The following ZNF622 variants were observed in gnomAD, a reference collection of about 807,000 sequenced individuals.
The protein encoded by ZNF622 is zinc finger protein 622.
Under a neutral mutation model 49.7 loss-of-function variants are expected in ZNF622, and 34 were observed. The observed-to-expected ratio is 0.68, with a 90% confidence interval of 0.52 to 0.91. The LOEUF is 0.91. ZNF622 is among the 40% of genes least tolerant of loss of function. ZNF622 has a pLI of 0.00. For synonymous variants in ZNF622, 209 were observed against 228.7 expected, an observed-to-expected ratio of 0.91 and a Z score of 0.78; for missense variants, 569 against 616.4, an observed-to-expected ratio of 0.92 and a Z score of 0.81.
intron 3 of ZNF622, among the ~76,000 whole-genome samples, chr5:16,462,228 G>A (rs1380620377): frequency 1.3e-5 from 2 of 152,180 alleles, no homozygotes; most frequent in African/African-American, 4.8e-5. Flanking sequence ...TCTGAACATG[G>A]TATCACTTGG....
In ZNF622 at chr5:16,463,412, A is replaced by T. The variant is rs1738154305; in HGVS notation, c.886+70T>A. 6.6e-7 allele frequency: 1 copy of T among 1,519,250 alleles called. No individual in the cohort carries two copies. The highest frequency in any genetic ancestry group is 8.9e-7 in the Non-Finnish European group (1 of 1,126,396). 94.1% of individuals were successfully genotyped at this position (1,519,250 alleles called of 1,614,324 possible). A position where few individuals can be genotyped will look rare whatever the true frequency, so the allele number is the denominator to read the frequency against. On this transcript the variant is annotated intron_variant, in intron 2 of 5. Transcript: ENST00000308683. The surrounding 1 kb of genome is among the most constrained non-coding windows in gnomAD (Gnocchi z 4.2). ...AAGATTGATGAAAAATGCAAAACTAATGTTCCCTTGAGACCAGTCCCCCAA... is the reference window on the plus strand; with the variant it reads ...AAGATTGATGAAAAATGCAAAACTATTGTTCCCTTGAGACCAGTCCCCCAA...
At chr5:16,460,751 G>A (rs758508628) in intron 3 of ZNF622, among the ~76,000 whole-genome samples, 1 of 151,798 alleles carries the variant, frequency 6.6e-6, no homozygotes, top group Non-Finnish European at 1.5e-5. Flanking sequence ...TTCATTTTTA[G>A]GAAGAAAAGT....
chr5:16,461,124 G>A (rs780747271), intron 3 of ZNF622, among the ~76,000 whole-genome samples: 6 of 152,238 alleles, frequency 3.9e-5, no homozygotes, highest in Non-Finnish European at 7.3e-5. Flanking sequence ...TGAGGGACAA[G>A]TCAAGTGAAT....
rs541030289 is a variant in ZNF622 at position 16,456,813 on chromosome 5, G to A, written c.1162+1704C>T. Among the ~76,000 whole-genome samples the A allele has an allele frequency of 2.6e-5, 4 of 152,180 alleles. No individual in the cohort carries two copies. The South Asian group carries it at 8.3e-4, about 32-fold the overall frequency. On this transcript the variant is annotated intron_variant, in intron 4 of 5. Transcript: ENST00000308683. ...TTAGAAAGAATGTTTTGGTGGTCATGTGGAAACCAGATTAGAGATGACCAG... is the reference window on the plus strand; with the variant it reads ...TTAGAAAGAATGTTTTGGTGGTCATATGGAAACCAGATTAGAGATGACCAG...
Position 16,463,790 on chromosome 5 carries a change from A to G in ZNF622, c.626-48T>C, listed in dbSNP as rs1324685340. On this transcript the variant is annotated intron_variant, in intron 1 of 5. Coordinates refer to ENST00000308683, the MANE Select transcript of ZNF622 (RefSeq NM_033414.3). This position sits in a 1 kb window ranked among gnomAD's most constrained non-coding sequence, Gnocchi z 4.2. ...ATAAAGTTTAAGAAAAGTAGTAGCA[A>G]GCAAAGATATCACAAAAATTCACGA... 6.3e-7 allele frequency: 1 copy of G among 1,585,852 alleles called. No homozygotes were observed. Among genetic ancestry groups the G allele is most frequent in the Non-Finnish European group, 8.6e-7 (1 of 1,164,712 alleles).
chr5:16,452,244 A>G (rs2126488506), intron 5 of ZNF622, among the ~76,000 whole-genome samples: 1 of 152,306 alleles, frequency 6.6e-6, no homozygotes, highest in South Asian at 2.1e-4. Context: ...AGAGCTTCCC[A>G]GGCCATCAGA....
Position 16,465,762 on chromosome 5 carries a change from G to C in ZNF622, c.-97C>G. ...AGACCTTAACCCGCCTCAGCAGCCA[G>C]GAAGAGCCACTCGACACGCCGACTT... On this transcript the variant is annotated 5_prime_UTR_variant, in exon 1 of 6. Transcript: ENST00000308683. The surrounding 1 kb of genome is among the most constrained non-coding windows in gnomAD (Gnocchi z 6.2). 1.4e-6 allele frequency: 2 copies of C among 1,472,904 alleles called. No homozygotes were observed. 91.2% of individuals were successfully genotyped at this position (1,472,904 alleles called of 1,614,324 possible). A position where few individuals can be genotyped will look rare whatever the true frequency, so the allele number is the denominator to read the frequency against.
chr5:16,464,915 C>T, intron 1 of ZNF622, 126 bp downstream of exon 1: 1 of 981,294 alleles, frequency 1.0e-6, no homozygotes, highest in Non-Finnish European at 1.5e-6. Flanking sequence ...GTCTAAACCA[C>T]CTTCCCTCAT....
intron 4 of ZNF622, among the ~76,000 whole-genome samples, chr5:16,456,239 C>A (rs150616757): frequency 5.3e-5 from 8 of 152,212 alleles, no homozygotes; most frequent in African/African-American, 1.9e-4. Context: ...AGACTATAGG[C>A]ACACACCATC....
intron 3 of ZNF622, among the ~76,000 whole-genome samples, chr5:16,459,317 C>T (rs147923938): frequency 1.9e-3 from 289 of 152,184 alleles, no homozygotes; most frequent in African/African-American, 6.6e-3. Flanking sequence ...GATCAGATAC[C>T]TCACAAAAAG....
rs185826775 is a variant in ZNF622, at chr5:16,459,799, T to C, written c.1050-1170A>G. Among the ~76,000 whole-genome samples, 349 of 152,322 alleles carry C rather than the reference T, an allele frequency of 2.3e-3. 1 individual carries two copies. The highest frequency in any genetic ancestry group is 4.1e-3 in the Non-Finnish European group (279 of 68,022). On this transcript the variant is annotated intron_variant, in intron 3 of 5. Transcript: ENST00000308683. ...CAAGAGTACATTCTTTGTGATTCCA[T>C]TTATATAAAGTATAAAAACAGGCAA... is the stretch of plus-strand genomic sequence containing the variant.
intron 3 of ZNF622, 56 bp from the exon 4 acceptor site, chr5:16,458,685 G>T: frequency 1.5e-6 from 2 of 1,296,550 alleles, no homozygotes; most frequent in Non-Finnish European, 1.1e-6. Flanking sequence ...TGAACTAAAA[G>T]ACATAAACTC....
At position 16,463,322 on chromosome 5, in the gene ZNF622, T is replaced by G; in HGVS notation, c.887-52A>C. 6.4e-7 allele frequency: 1 copy of G among 1,557,770 alleles called. No homozygotes were observed. The highest frequency in any genetic ancestry group is 1.4e-5 in the African/African-American group (1 of 72,552). On this transcript the variant is annotated intron_variant, in intron 2 of 5. Coordinates refer to ENST00000308683, the MANE Select transcript of ZNF622 (RefSeq NM_033414.3). This position sits in a 1 kb window ranked among gnomAD's most constrained non-coding sequence, Gnocchi z 4.2. The stretch of plus-strand genomic sequence containing the variant: ...ATGAAAAAAGCTTTTTGCAACCAGA[T>G]TAAATCTCACTATTTGTCACCAAAA...
chr5:16,464,636 C>T (rs1482877101), intron 1 of ZNF622, among the ~76,000 whole-genome samples: 1 of 152,148 alleles, frequency 6.6e-6, no homozygotes, highest in Non-Finnish European at 1.5e-5. Context: ...TTGATCCCCT[C>T]ATTCTGTTTT....
chr5:16,462,290 A>ACT (rs1738131613), intron 3 of ZNF622, among the ~76,000 whole-genome samples: 2 of 152,206 alleles, frequency 1.3e-5, no homozygotes, highest in African/African-American at 4.8e-5. Flanking sequence ...CTCCTGTGCT[A>ACT]GCTCACAGGA....
chr5:16,451,811 T>C, intron 5 of ZNF622, 27 bp from the exon 6 acceptor site: 1 of 1,603,780 alleles, frequency 6.2e-7, no homozygotes, highest in Non-Finnish European at 8.5e-7. Context: ...GTTAAGAAAT[T>C]AGGCAAAGTT....
intron 3 of ZNF622, among the ~76,000 whole-genome samples, chr5:16,462,869 C>A (rs1002988725): frequency 2.6e-5 from 4 of 152,072 alleles, no homozygotes. Context: ...TTAACCAGAA[C>A]AAAAACAAAA....
intron 3 of ZNF622, among the ~76,000 whole-genome samples, chr5:16,462,014 G>A (rs1579565769): frequency 6.6e-6 from 1 of 152,266 alleles, no homozygotes; most frequent in East Asian, 1.9e-4. Context: ...AAACACTGCT[G>A]TCTAAAAGGA....
At chr5:16,457,547 T>C (rs1158414123) in intron 4 of ZNF622, among the ~76,000 whole-genome samples, 3 of 152,188 alleles carry the variant, frequency 2.0e-5, no homozygotes, top group African/African-American at 4.8e-5. Flanking sequence ...TTTCCTCCTA[T>C]TGCCACACTC....
Sources: gnomAD v4.1 joint callset for allele counts (sites outside exome capture counted in the v4.1 genomes callset) on GRCh38, gnomAD v4.1.1 for gene constraint, Gnocchi (gnomAD v3.1) non-coding constraint, MANE v1.5 for transcripts, NCBI Gene and HGNC (gene_info 2026-07-23, HGNC 2026-07-21) for gene names.